LRP1B: variants seen among roughly 807,000 people sequenced by gnomAD.
LRP1B encodes low-density lipoprotein receptor-related protein 1B.
In LRP1B, 217 loss-of-function variants were observed where a neutral mutation model predicts 556.6. The observed-to-expected ratio is 0.39, with a 90% CI of 0.35 to 0.44. The LOEUF is 0.44. LRP1B is among the 20% of genes least tolerant of loss of function. LRP1B has a pLI of 1.00. For missense variants in LRP1B, 5,053 were observed against 5,620.8 expected (o/e 0.90, Z 3.23); for synonymous variants, 2,047 against 1,865.8 (o/e 1.10, Z -2.50).
At chr2:140,418,716 T>A (rs1171832100) in intron 66 of LRP1B, among the ~76,000 whole-genome samples, 1 of 151,876 alleles carries the variant, frequency 6.6e-6, no homozygotes, top group Non-Finnish European at 1.5e-5. Flanking sequence ...AGCTCAGGGC[T>A]CTCATTAAAT....
chr2:140,500,209 T>C (rs1193994148), intron 55 of LRP1B, among the ~76,000 whole-genome samples: 1 of 151,976 alleles, frequency 6.6e-6, no homozygotes, highest in African/African-American at 2.4e-5. Flanking sequence ...AAAATATATA[T>C]TTCTTGGTGT....
chr2:140,583,815 A>G (rs909540238), intron 43 of LRP1B, among the ~76,000 whole-genome samples: 1 of 151,998 alleles, frequency 6.6e-6, no homozygotes, highest in East Asian at 1.9e-4. Context: ...AGATCTTGTT[A>G]TAATAACATT....
At chr2:140,748,589 G>GTATA (rs1688430014) in intron 35 of LRP1B, among the ~76,000 whole-genome samples, 2 of 18,744 alleles carry the variant, frequency 1.1e-4, no homozygotes, top group African/African-American at 3.3e-4. Context: ...CATATACAGT[G>GTATA]TGTATATATA....
intron 3 of LRP1B, among the ~76,000 whole-genome samples, chr2:141,281,498 C>T (rs1005048098): frequency 3.3e-5 from 5 of 152,008 alleles, no homozygotes; most frequent in Non-Finnish European, 7.4e-5. Context: ...GCCAGGAAGG[C>T]ATGTGCTTGA....
chr2:140,235,072 A>T, intron 89 of LRP1B, 188 bp from the exon 90 acceptor site: 1 of 400,558 alleles, frequency 2.5e-6, no homozygotes, highest in Non-Finnish European at 4.5e-6. Flanking sequence ...ATTATTAAAG[A>T]TCCAATATTA....
At chr2:141,500,638 A>C (rs1683681142) in intron 2 of LRP1B, among the ~76,000 whole-genome samples, 1 of 152,188 alleles carries the variant, frequency 6.6e-6, no homozygotes, top group Admixed American at 6.5e-5. Flanking sequence ...ATTATGGCAA[A>C]TTAAAGTATA....
intron 1 of LRP1B, among the ~76,000 whole-genome samples, chr2:142,015,769 G>A (rs554031568): frequency 1.3e-4 from 20 of 151,910 alleles, no homozygotes; most frequent in Admixed American, 3.3e-4. Flanking sequence ...CGAGGCGGGC[G>A]GATCACGAGG....
At chr2:140,475,366 T>C (rs367862453) in intron 59 of LRP1B, 29 bp from the exon 60 acceptor site, 5 of 1,505,970 alleles carry the variant, frequency 3.3e-6, no homozygotes, top group Admixed American at 1.9e-5. Flanking sequence ...ACTGATTTTG[T>C]TTACAGATTC....
chr2:141,943,431 C>T (rs1307502732), intron 1 of LRP1B, among the ~76,000 whole-genome samples: 3 of 152,150 alleles, frequency 2.0e-5, no homozygotes, highest in Non-Finnish European at 4.4e-5. Context: ...AATGGATTCA[C>T]ATTAGGGTTC....
intron 7 of LRP1B, among the ~76,000 whole-genome samples, chr2:141,131,220 T>C (rs75661778): frequency 0.12 from 17,720 of 151,780 alleles, 1,360 homozygotes; most frequent in African/African-American, 0.21. Flanking sequence ...ATAACTCCAT[T>C]GTAAGTCAAA....
intron 2 of LRP1B, among the ~76,000 whole-genome samples, chr2:141,594,435 G>A (rs1046789381): frequency 5.9e-5 from 9 of 152,076 alleles, no homozygotes; most frequent in Non-Finnish European, 1.0e-4. Context: ...GAATACACAC[G>A]TTTTTGTAGA....
intron 7 of LRP1B, among the ~76,000 whole-genome samples, chr2:141,130,148 T>G (rs1270987425): frequency 6.6e-6 from 1 of 151,924 alleles, no homozygotes; most frequent in Non-Finnish European, 1.5e-5. Context: ...TTATCTACTT[T>G]AAAAATAAAT....
rs147825062 is a variant in LRP1B, at chr2:141,695,609, T to C, written c.205+114670A>G. Among the ~76,000 whole-genome samples, 569 of 152,110 alleles carry C rather than the reference T, an allele frequency of 3.7e-3. 6 individuals are homozygous for C. Among genetic ancestry groups the C allele is most frequent in the Middle Eastern group, 0.014 (4 of 294 alleles). ...CCTGGTTTTCCTGACTTCATCCCAA[T>C]GTTGCTATAAATAAAAGCAGCATAG... is the stretch of plus-strand genomic sequence containing the variant. On this transcript the variant is annotated intron_variant, in intron 2 of 90. Transcript: ENST00000389484.
intron 52 of LRP1B, among the ~76,000 whole-genome samples, chr2:140,508,173 T>A (rs1421600373): frequency 6.6e-6 from 1 of 152,186 alleles, no homozygotes; most frequent in African/African-American, 2.4e-5. Flanking sequence ...CCCAATTCCA[T>A]GTCTTAATAA....
intron 58 of LRP1B, among the ~76,000 whole-genome samples, chr2:140,487,347 C>G (rs1688510737): frequency 6.6e-6 from 1 of 151,888 alleles, no homozygotes; most frequent in South Asian, 2.1e-4. Context: ...AAGCACCCAT[C>G]CCATTTCCTA....
At chr2:141,081,877 G>T (rs1465113515) in intron 7 of LRP1B, among the ~76,000 whole-genome samples, 1 of 152,116 alleles carries the variant, frequency 6.6e-6, no homozygotes. Flanking sequence ...AGATTTGCCA[G>T]ACAATACCTA....
chr2:140,414,028 A>C (rs1418828376), intron 66 of LRP1B, among the ~76,000 whole-genome samples: 2 of 152,076 alleles, frequency 1.3e-5, no homozygotes, highest in Non-Finnish European at 1.5e-5. Context: ...CAATCCTCCC[A>C]CCTCAGGAGT....
At chr2:141,544,551 G>A (rs1685484698) in intron 2 of LRP1B, among the ~76,000 whole-genome samples, 1 of 151,546 alleles carries the variant, frequency 6.6e-6, no homozygotes. Flanking sequence ...AAACTGTTAG[G>A]ATTATAGGTG....
At chr2:141,762,355 A>C (rs1694588181) in intron 2 of LRP1B, among the ~76,000 whole-genome samples, 1 of 152,074 alleles carries the variant, frequency 6.6e-6, no homozygotes, top group Admixed American at 6.5e-5. Context: ...TGTCCCCTCA[A>C]AAAGGGAGGG....
Sources: allele counts gnomAD v4.1 joint callset (sites outside exome capture counted in the v4.1 genomes callset), GRCh38; gene constraint gnomAD v4.1.1; transcripts MANE v1.5; gene names NCBI Gene and HGNC (gene_info 2026-07-23, HGNC 2026-07-21).